The following SRGAP2B variants were observed in gnomAD, a reference collection of about 807,000 sequenced individuals.
SRGAP2B encodes SLIT-ROBO Rho GTPase activating protein 2B, also known as SLIT-ROBO Rho GTPase-activating protein 2B.
Under a neutral mutation model 22.2 loss-of-function variants are expected in SRGAP2B, and 9 were observed. That is an observed-to-expected ratio of 0.41 (90% CI 0.24 to 0.71). The LOEUF (loss-of-function observed/expected upper bound fraction) is 0.71. Among genes scored for constraint, SRGAP2B ranks in the 30% least tolerant of loss-of-function variants. The pLI is 0.35. For missense variants in SRGAP2B, 114 were observed against 235.8 expected (o/e 0.48, Z 3.38); for synonymous variants, 36 against 87.4 (o/e 0.41, Z 3.28).
chr1:145,015,584 A>G (rs1672357732), intron 2 of SRGAP2B, among the ~76,000 whole-genome samples: 1 of 149,760 alleles, frequency 6.7e-6, no homozygotes, highest in South Asian at 2.1e-4. Context: ...GTATACAGAA[A>G]TTGGTCTAGG....
At chr1:144,974,857 G>A (rs1177133659) in intron 3 of SRGAP2B, among the ~76,000 whole-genome samples, 5 of 144,648 alleles carry the variant, frequency 3.5e-5, no homozygotes, top group Admixed American at 2.7e-4. Context: ...GCCTACAGCT[G>A]AGCAGATGCT....
chr1:144,945,628 GATGAT>G (rs1185852019), intron 4 of SRGAP2B, among the ~76,000 whole-genome samples: 1 of 149,832 alleles, frequency 6.7e-6, no homozygotes, highest in African/African-American at 2.5e-5. Context: ...CAAACAAAAA[GATGAT>G]ATATTACATA....
At position 144,975,212 on chromosome 1, in the gene SRGAP2B, G is replaced by A. The variant is rs7522401; in HGVS notation, c.261-19611C>T. 1.3e-4 allele frequency among the ~76,000 whole-genome samples: 19 copies of A among 148,598 alleles called. 2 individuals are homozygous for A. Among genetic ancestry groups the A allele is most frequent in the Admixed American group, 8.6e-4 (13 of 15,126 alleles). ...GTGAGAAATGTCAAGACCCCATTCC[G>A]GAGAGGAAAACATTAAATACAAACA... On this transcript the variant is annotated intron_variant, in intron 3 of 9. Transcript: ENST00000612199.
At chr1:144,938,640 CCT>C (rs1665809118) in intron 4 of SRGAP2B, among the ~76,000 whole-genome samples, 1 of 147,256 alleles carries the variant, frequency 6.8e-6, no homozygotes, top group African/African-American at 2.6e-5. Flanking sequence ...TCCTCTTTGC[CCT>C]GTTTCATTTT....
intron 3 of SRGAP2B, among the ~76,000 whole-genome samples, chr1:144,976,717 T>C (rs1287539475): frequency 1.5e-5 from 2 of 136,824 alleles, no homozygotes; most frequent in East Asian, 4.1e-4. Flanking sequence ...AGGGACTCCA[T>C]TGGCCAAATA....
At chr1:144,952,531 C>T (rs572769) in intron 4 of SRGAP2B, among the ~76,000 whole-genome samples, 8 of 149,640 alleles carry the variant, frequency 5.3e-5, no homozygotes, top group African/African-American at 1.8e-4. Flanking sequence ...TCAGGGTCTC[C>T]CTCTGTTGCC....
chr1:144,956,938 T>A (rs1667312058), intron 3 of SRGAP2B, among the ~76,000 whole-genome samples: 1 of 150,208 alleles, frequency 6.7e-6, no homozygotes, highest in Admixed American at 6.6e-5. Flanking sequence ...CCTTTATACA[T>A]GTTGTTTGAC....
At chr1:145,020,646 A>T (rs1672734419) in intron 2 of SRGAP2B, among the ~76,000 whole-genome samples, 1 of 147,802 alleles carries the variant, frequency 6.8e-6, no homozygotes, top group South Asian at 2.1e-4. Context: ...TGACTGAAAT[A>T]AAGCATCTAG....
intron 3 of SRGAP2B, among the ~76,000 whole-genome samples, chr1:144,968,661 G>C (rs1384595645): frequency 1.7e-5 from 2 of 116,740 alleles, no homozygotes; most frequent in African/African-American, 7.2e-5. Flanking sequence ...GGCAGGAGAA[G>C]GAAATAAAGG....
At chr1:144,984,003 C>A (rs1187439602) in intron 3 of SRGAP2B, among the ~76,000 whole-genome samples, 4 of 150,864 alleles carry the variant, frequency 2.7e-5, no homozygotes, top group African/African-American at 7.4e-5. Context: ...AAAAACAATT[C>A]TTTCTCCTAA....
At chr1:144,941,122 G>A (rs1313257259) in intron 4 of SRGAP2B, among the ~76,000 whole-genome samples, 23 of 143,102 alleles carry the variant, frequency 1.6e-4, no homozygotes, top group African/African-American at 5.3e-4. Context: ...AAAAAAACAC[G>A]TTACTACTTT....
intron 5 of SRGAP2B, among the ~76,000 whole-genome samples, chr1:144,911,660 C>G (rs1663422473): frequency 6.7e-6 from 1 of 148,896 alleles, no homozygotes; most frequent in South Asian, 2.1e-4. Context: ...CTCTGTCCCC[C>G]AGGCTGGAGT....
At chr1:144,979,770 C>G (rs1553614788) in intron 3 of SRGAP2B, among the ~76,000 whole-genome samples, 1 of 151,548 alleles carries the variant, frequency 6.6e-6, no homozygotes, top group African/African-American at 2.4e-5. Flanking sequence ...GACATGCTGG[C>G]TCCCCGGTGC....
chr1:144,976,656 G>C (rs1668929520), intron 3 of SRGAP2B, among the ~76,000 whole-genome samples: 1 of 145,746 alleles, frequency 6.9e-6, no homozygotes. Flanking sequence ...AAGTAAGGAA[G>C]TGCTCAAAGA....
intron 2 of SRGAP2B, among the ~76,000 whole-genome samples, chr1:145,076,197 CTT>C (rs1193481441): frequency 6.9e-6 from 1 of 143,986 alleles, no homozygotes; most frequent in Non-Finnish European, 1.5e-5. Context: ...CTACCTCCAT[CTT>C]TTTTTTTTTG....
chr1:144,971,992 A>G (rs1270911117), intron 3 of SRGAP2B, among the ~76,000 whole-genome samples: 8 of 150,330 alleles, frequency 5.3e-5, no homozygotes, highest in Non-Finnish European at 1.2e-4. Flanking sequence ...CAATGCTCAG[A>G]GCCCCAGAGC....
At position 145,038,203 on chromosome 1, in the gene SRGAP2B, C is replaced by T. The variant is rs1468040843; in HGVS notation, c.68-43003G>A. 3.9e-5 allele frequency among the ~76,000 whole-genome samples: 3 copies of T among 77,432 alleles called. No homozygotes were observed. In the East Asian group the frequency reaches 1.3e-3, roughly 32 times the overall value. 50.8% of individuals were successfully genotyped at this position (77,432 alleles called of 152,430 possible). A position where few individuals can be genotyped will look rare whatever the true frequency, so the allele number is the denominator to read the frequency against. On this transcript the variant is annotated intron_variant, in intron 2 of 9. Coordinates refer to ENST00000612199, the Ensembl canonical transcript of SRGAP2B. The stretch of plus-strand genomic sequence containing the variant: ...CTCTGTACCAACAAGGAAAGATCCC[C>T]AAGACATACTGTTAAGGACAAAATA...
At chr1:144,953,762 A>C (rs1279462420) in intron 4 of SRGAP2B, among the ~76,000 whole-genome samples, 1 of 150,438 alleles carries the variant, frequency 6.6e-6, no homozygotes, top group Non-Finnish European at 1.5e-5. Flanking sequence ...GTTTTTCTCT[A>C]ACCTTCTAAG....
intron 2 of SRGAP2B, among the ~76,000 whole-genome samples, chr1:145,019,599 G>GAGT (rs1672648099): frequency 2.5e-5 from 2 of 81,520 alleles, no homozygotes; most frequent in South Asian, 9.5e-4. Context: ...GTCCCAAAAA[G>GAGT]AGTAGGTTCC....
Sources: gnomAD v4.1 joint callset for allele counts (sites outside exome capture counted in the v4.1 genomes callset) on GRCh38, gnomAD v4.1.1 for gene constraint, MANE v1.5 for transcripts, NCBI Gene and HGNC (gene_info 2026-07-23, HGNC 2026-07-21) for gene names.